Variants in DYNC2H1 observed in about 807,000 individuals in gnomAD.
DYNC2H1 encodes dynein cytoplasmic 2 heavy chain 1, also known as cytoplasmic dynein 2 heavy chain 1.
A neutral mutation model predicts 570.0 loss-of-function variants in DYNC2H1; 410 were observed. The ratio of observed to expected loss-of-function variants is 0.72; its 90% confidence interval spans 0.66 to 0.78. The LOEUF (loss-of-function observed/expected upper bound fraction) is 0.78, where lower values mean the gene tolerates loss of function less well. Among genes scored for constraint, DYNC2H1 ranks in the 30% least tolerant of loss-of-function variants. DYNC2H1 has a pLI of 0.00. For missense variants in DYNC2H1, 4,865 were observed against 5,046.4 expected (o/e 0.96, Z 1.09); for synonymous variants, 1,688 against 1,677.6 (o/e 1.01, Z -0.15).
intron 84 of DYNC2H1, chr11:103,407,318 T>A (rs1439935955): frequency 2.0e-5 from 3 of 151,860 alleles, no homozygotes; most frequent in Non-Finnish European, 4.4e-5. Context: ...CTTTAGGACA[T>A]CGCGTAATAG....
At chr11:103,317,434 A>G (rs552063048) in intron 80 of DYNC2H1, among the ~76,000 whole-genome samples, 1 of 151,914 alleles carries the variant, frequency 6.6e-6, no homozygotes, top group Admixed American at 6.6e-5. Context: ...AAATCACATC[A>G]TGATTCTATT....
chr11:103,432,935 G>A (rs1400373923), intron 84 of DYNC2H1, among the ~76,000 whole-genome samples: 1 of 152,024 alleles, frequency 6.6e-6, no homozygotes, highest in African/African-American at 2.4e-5. Context: ...GCAAATCTAA[G>A]ACAACTTTCA....
intron 1 of DYNC2H1, among the ~76,000 whole-genome samples, chr11:103,110,898 T>C (rs1858082287): frequency 6.6e-6 from 1 of 152,022 alleles, no homozygotes; most frequent in Admixed American, 6.5e-5. Flanking sequence ...CAATCTTGGC[T>C]CACTGCAACC....
Position 103,228,455 on chromosome 11 carries a change from C to T in DYNC2H1, c.9354-2805C>T, listed in dbSNP as rs561422393. On this transcript the variant is annotated intron_variant, in intron 59 of 88. Transcript: ENST00000375735. The surrounding 1 kb of genome is among the most constrained non-coding windows in gnomAD (Gnocchi z 6.1). Reference sequence around the variant, plus strand: ...ATCTGAACTGTAGTGATTGTTTTTGCGCTTCTGGGTCTAGCTACCCAGCAG... The same window carrying T: ...ATCTGAACTGTAGTGATTGTTTTTGTGCTTCTGGGTCTAGCTACCCAGCAG... Among the ~76,000 whole-genome samples, 28 of 152,176 alleles carry T rather than the reference C, an allele frequency of 1.8e-4. No individual in the cohort carries two copies. Among genetic ancestry groups the T allele is most frequent in the South Asian group, 1.5e-3 (7 of 4,816 alleles).
chr11:103,153,482 T>C lies in DYNC2H1; in HGVS notation c.3276T>C (p.Asp1092=). 6 of 1,562,840 alleles carry C rather than the reference T, an allele frequency of 3.8e-6. 1 individual carries two copies. Among genetic ancestry groups the C allele is most frequent in the Non-Finnish European group, 5.2e-6 (6 of 1,156,990 alleles). The change falls in exon 22 of 89, where the codon GAT becomes GAC. Residue 1092 remains aspartate (D), a synonymous_variant. Coordinates refer to ENST00000375735, the MANE Select transcript of DYNC2H1 (RefSeq NM_001377.3). The part of the protein sequence containing the change: ...LIKEKKIEFD[D]LEVTRKKLVD... ...AAGAGAAAAAAATTGAGTTTGATGA[T>C]CTTGAAGTCACAAGAAAAAAGCTGG...
intron 62 of DYNC2H1, 98 bp downstream of exon 62, chr11:103,235,911 A>G: frequency 7.1e-7 from 1 of 1,412,664 alleles, no homozygotes. Context: ...ATTCTCTGTT[A>G]TTTTACCTTT....
At chr11:103,421,949 T>C (rs544961736) in intron 84 of DYNC2H1, among the ~76,000 whole-genome samples, 1 of 148,546 alleles carries the variant, frequency 6.7e-6, no homozygotes, top group African/African-American at 2.5e-5. Context: ...CTAGCTAGAA[T>C]AATAAAGAAG....
At chr11:103,337,094 G>A (rs11225724) in intron 82 of DYNC2H1, among the ~76,000 whole-genome samples, 32,976 of 152,096 alleles carry the variant, frequency 0.22, 3,719 homozygotes, top group Admixed American at 0.31. Flanking sequence ...AGGCATTCCT[G>A]AGCCACAAAC....
chr11:103,178,880 C>T, intron 38 of DYNC2H1, 146 bp from the exon 39 acceptor site: 1 of 699,770 alleles, frequency 1.4e-6, no homozygotes, highest in African/African-American at 1.8e-5. Flanking sequence ...AGTCTTTGGC[C>T]AGCTGAGCCA....
chr11:103,443,504 G>A lies in DYNC2H1; in HGVS notation c.12456+7472G>A, dbSNP rs990883074. Among the ~76,000 whole-genome samples the A allele has an allele frequency of 5.3e-5, 8 of 151,850 alleles. No homozygotes were observed. The South Asian group carries it at 1.7e-3, about 32-fold the overall frequency. On this transcript the variant is annotated intron_variant, in intron 85 of 88. Transcript: ENST00000375735. The stretch of plus-strand genomic sequence containing the variant: ...CTTAATACTACCAATAATACTAACT[G>A]TTGTATACAATAAAAATAATTTAAG...
chr11:103,138,426 T>C (rs868214319), intron 17 of DYNC2H1, among the ~76,000 whole-genome samples: 3 of 152,166 alleles, frequency 2.0e-5, no homozygotes, highest in Non-Finnish European at 4.4e-5. Context: ...GCATGAAGCA[T>C]TGTTGAATTT....
Position 103,209,752 on chromosome 11 carries a change from T to TC in DYNC2H1, c.8455-123dup. ...TAAAGATTTCTGTATTATTTTTGTC[T>TC]CTTAGTCTGGAATGAATCCTAGAAG... is the stretch of plus-strand genomic sequence containing the variant. On this transcript the variant is annotated intron_variant, in intron 52 of 88. Coordinates refer to ENST00000375735, the MANE Select transcript of DYNC2H1 (RefSeq NM_001377.3). This position sits in a 1 kb window ranked among gnomAD's most constrained non-coding sequence, Gnocchi z 4.2. 6.0e-6 allele frequency: 4 copies of TC among 669,374 alleles called. No homozygotes were observed. The highest frequency in any genetic ancestry group is 8.6e-6 in the Non-Finnish European group (4 of 467,306). The allele number at this position is 669,374 out of a possible 1,614,324, so 41.5% of individuals were successfully genotyped here. A position where few individuals can be genotyped will look rare whatever the true frequency, so the allele number is the denominator to read the frequency against.
chr11:103,359,204 A>G (rs1010491791), intron 83 of DYNC2H1, among the ~76,000 whole-genome samples: 1 of 152,186 alleles, frequency 6.6e-6, no homozygotes, highest in African/African-American at 2.4e-5. Flanking sequence ...CACAACTTAT[A>G]TCTCTGTTTT....
intron 84 of DYNC2H1, chr11:103,403,087 G>A (rs1387671047): frequency 6.6e-6 from 1 of 151,938 alleles, no homozygotes; most frequent in Non-Finnish European, 1.5e-5. Context: ...TAATGTTATG[G>A]GTAATTATTA....
intron 75 of DYNC2H1, among the ~76,000 whole-genome samples, chr11:103,288,105 A>C (rs1038943479): frequency 9.9e-5 from 15 of 152,024 alleles, no homozygotes; most frequent in African/African-American, 3.4e-4. Flanking sequence ...GTTTTACAGT[A>C]GTGGTGTTAT....
chr11:103,411,716 C>T (rs575666091), intron 84 of DYNC2H1, among the ~76,000 whole-genome samples: 8 of 151,928 alleles, frequency 5.3e-5, no homozygotes, highest in Non-Finnish European at 1.0e-4. Context: ...TTCTTTCTTT[C>T]AACCAAGATC....
At chr11:103,377,267 G>A (rs920829651) in intron 83 of DYNC2H1, among the ~76,000 whole-genome samples, 1 of 152,038 alleles carries the variant, frequency 6.6e-6, no homozygotes, top group African/African-American at 2.4e-5. Context: ...TCACTTAATG[G>A]TGTACCATAA....
At chr11:103,370,552 T>C (rs771674433) in intron 83 of DYNC2H1, among the ~76,000 whole-genome samples, 3 of 152,094 alleles carry the variant, frequency 2.0e-5, no homozygotes, top group Non-Finnish European at 2.9e-5. Flanking sequence ...TCTGACACAG[T>C]ACAGTACTAA....
intron 70 of DYNC2H1, among the ~76,000 whole-genome samples, chr11:103,269,250 A>T (rs532354695): frequency 6.6e-6 from 1 of 152,218 alleles, no homozygotes; most frequent in African/African-American, 2.4e-5. Context: ...TTTGAGTAAT[A>T]TTAAATTCAA....
Sources: allele counts gnomAD v4.1 joint callset (sites outside exome capture counted in the v4.1 genomes callset), GRCh38; gene constraint gnomAD v4.1.1; non-coding constraint Gnocchi (gnomAD v3.1); transcripts MANE v1.5; gene names NCBI Gene and HGNC (gene_info 2026-07-23, HGNC 2026-07-21).